Variants in ARFGEF2 observed in about 807,000 individuals in gnomAD.
ARFGEF2 encodes ARF guanine nucleotide exchange factor 2, also known as brefeldin A-inhibited guanine nucleotide-exchange protein 2.
ARFGEF2 carries 74 observed loss-of-function variants against 219.9 expected under a neutral mutation model. The ratio of observed to expected loss-of-function variants is 0.34; its 90% confidence interval spans 0.28 to 0.41. The LOEUF is 0.41. Among genes scored for constraint, ARFGEF2 ranks in the 10% least tolerant of loss-of-function variants. The pLI is 1.00. For synonymous variants in ARFGEF2, 733 were observed against 799.2 expected (o/e 0.92, Z 1.40); for missense variants, 1,743 against 2,218.3 (o/e 0.79, Z 4.30).
chr20:49,007,351 A>G (rs2123507342), intron 26 of ARFGEF2, among the ~76,000 whole-genome samples: 1 of 141,638 alleles, frequency 7.1e-6, no homozygotes, highest in South Asian at 2.2e-4. Context: ...GTGTAATGGT[A>G]TGATCTCAGC....
intron 34 of ARFGEF2, among the ~76,000 whole-genome samples, chr20:49,020,304 G>C (rs1422583860): frequency 6.6e-6 from 1 of 152,194 alleles, no homozygotes; most frequent in Non-Finnish European, 1.5e-5. Flanking sequence ...ACAGTGTGCG[G>C]TCACCTTTTT....
At chr20:48,977,693 A>G (rs1568717466) in intron 14 of ARFGEF2, among the ~76,000 whole-genome samples, 2 of 152,160 alleles carry the variant, frequency 1.3e-5, no homozygotes, top group African/African-American at 2.4e-5. Flanking sequence ...ATGGTATCGC[A>G]TTGTGGTTTG....
intron 1 of ARFGEF2, among the ~76,000 whole-genome samples, chr20:48,934,542 T>G (rs948398244): frequency 2.0e-5 from 3 of 152,124 alleles, no homozygotes; most frequent in African/African-American, 7.2e-5. Context: ...GTGTGATGTG[T>G]GCCTCCCTGT....
intron 33 of ARFGEF2, 134 bp from the exon 34 acceptor site, chr20:49,018,750 G>A (rs750442722): frequency 5.7e-5 from 40 of 707,168 alleles, no homozygotes; most frequent in Middle Eastern, 2.5e-4. Context: ...CATTAAGCAT[G>A]TAGTATCATT....
rs747003638 is a variant in ARFGEF2 at position 49,017,311 on chromosome 20, G to C, written c.4378G>C (p.Glu1460Gln). Residue 1460 changes from glutamate to glutamine, a missense_variant, in exon 32 of 39, where the codon GAG (glutamate) becomes CAG (glutamine). This residue lies in a region of ARFGEF2 where 578 missense variants were observed against 664.0 expected (regional missense o/e 0.87). Transcript: ENST00000371917. ...CLENLVISNG[E>Q]KFSPEVWDET... The stretch of plus-strand genomic sequence containing the variant: ...AGAAAACTTAGTAATATCCAATGGA[G>C]AGAAATTCAGTCCTGAAGTCTGGGA... 2.5e-6 allele frequency: 4 copies of C among 1,613,918 alleles called. No homozygotes were observed. The highest frequency in any genetic ancestry group is 1.1e-5 in the South Asian group (1 of 91,080).
intron 1 of ARFGEF2, among the ~76,000 whole-genome samples, chr20:48,927,322 G>A (rs1337955810): frequency 6.6e-6 from 1 of 151,942 alleles, no homozygotes; most frequent in Non-Finnish European, 1.5e-5. Context: ...TTCTAATTTT[G>A]ATGTGTTCAG....
chr20:48,935,962 C>G (rs1313663006), intron 1 of ARFGEF2, among the ~76,000 whole-genome samples: 1 of 142,534 alleles, frequency 7.0e-6, no homozygotes, highest in African/African-American at 2.6e-5. Context: ...ACCCCCCTAC[C>G]TCCCTCCCGG....
chr20:48,950,803 A>AT (rs1356880687), intron 3 of ARFGEF2, among the ~76,000 whole-genome samples: 1 of 39,672 alleles, frequency 2.5e-5, no homozygotes, highest in Non-Finnish European at 5.0e-5. Context: ...CTAAAAAAAA[A>AT]AAAAAAAAAT....
chr20:49,011,700 GA>G (rs1328918977), intron 27 of ARFGEF2, among the ~76,000 whole-genome samples: 2 of 152,180 alleles, frequency 1.3e-5, no homozygotes, highest in Admixed American at 1.3e-4. Flanking sequence ...ATCATTGCTT[GA>G]GCGCAGGAAG....
At chr20:49,008,739 GCCCT>G in intron 26 of ARFGEF2, among the ~76,000 whole-genome samples, 1 of 76,174 alleles carries the variant, frequency 1.3e-5, no homozygotes, top group East Asian at 4.3e-4. Context: ...GAGATGTCTT[GCCCT>G]GTCGCCCAGG....
At chr20:48,980,596 A>C (rs963692730) in intron 14 of ARFGEF2, among the ~76,000 whole-genome samples, 1 of 152,186 alleles carries the variant, frequency 6.6e-6, no homozygotes, top group African/African-American at 2.4e-5. Flanking sequence ...AAAGTCTCCC[A>C]GTATTTTTGT....
At chr20:48,950,324 A>G (rs1371845882) in intron 3 of ARFGEF2, among the ~76,000 whole-genome samples, 4 of 152,120 alleles carry the variant, frequency 2.6e-5, no homozygotes, top group African/African-American at 7.2e-5. Context: ...GAAAAGATGT[A>G]CTACAGAGTG....
intron 6 of ARFGEF2, among the ~76,000 whole-genome samples, chr20:48,961,861 C>CA (rs757807266): frequency 0.13 from 15,090 of 119,176 alleles, 921 homozygotes; most frequent in Non-Finnish European, 0.15. Flanking sequence ...GAGACTCTCT[C>CA]AAAAAAAAAA....
intron 9 of ARFGEF2, 123 bp downstream of exon 9, chr20:48,969,400 A>G (rs1241431291): frequency 6.3e-7 from 1 of 1,577,466 alleles, no homozygotes; most frequent in South Asian, 1.1e-5. Flanking sequence ...GTGTAAGTGC[A>G]GGAACGGTTT....
chr20:48,976,229 A>T, intron 14 of ARFGEF2, 30 bp downstream of exon 14: 1 of 1,612,044 alleles, frequency 6.2e-7, no homozygotes, highest in Non-Finnish European at 8.5e-7. Context: ...ACTAGCAGGG[A>T]TTCTAGCAAA....
chr20:48,946,088 C>T (rs1209284796), intron 3 of ARFGEF2, among the ~76,000 whole-genome samples: 1 of 152,172 alleles, frequency 6.6e-6, no homozygotes, highest in Non-Finnish European at 1.5e-5. Context: ...TGGCTTTTCC[C>T]AGTGTGGGCA....
intron 3 of ARFGEF2, among the ~76,000 whole-genome samples, chr20:48,943,833 A>G (rs1183340202): frequency 6.6e-6 from 1 of 152,240 alleles, no homozygotes; most frequent in East Asian, 1.9e-4. Flanking sequence ...CAGCTTGCCA[A>G]TACTTTCTAG....
chr20:48,969,075 C>G, intron 8 of ARFGEF2, 72 bp from the exon 9 acceptor site: 1 of 1,547,840 alleles, frequency 6.5e-7, no homozygotes, highest in Non-Finnish European at 8.9e-7. Flanking sequence ...ATCCTCCTGC[C>G]TCAGCCTCTG....
intron 26 of ARFGEF2, 31 bp downstream of exon 26, chr20:49,005,252 CA>C: frequency 6.2e-7 from 1 of 1,613,490 alleles, no homozygotes; most frequent in Non-Finnish European, 8.5e-7. Flanking sequence ...GACGCTTGGT[CA>C]AATTCCCCGT....
Sources: allele counts gnomAD v4.1 joint callset (sites outside exome capture counted in the v4.1 genomes callset), GRCh38; gene constraint gnomAD v4.1.1; regional missense constraint gnomAD v4.1.1; transcripts MANE v1.5; gene names NCBI Gene and HGNC (gene_info 2026-07-23, HGNC 2026-07-21).